Variants in GABRG1 observed in about 807,000 individuals in gnomAD.
GABRG1 encodes gamma-aminobutyric acid receptor subunit gamma-1.
GABRG1 carries 49 observed loss-of-function variants against 49.8 expected under a neutral mutation model. The observed-to-expected ratio is 0.98, with a 90% CI of 0.78 to 1.25. GABRG1 has a LOEUF of 1.25. GABRG1 is among the 50% of genes most tolerant of loss of function. GABRG1 has a pLI of 0.00. For synonymous variants in GABRG1, 232 were observed against 185.1 expected, an observed-to-expected ratio of 1.25 and a Z score of -2.06; for missense variants, 552 against 552.3, an observed-to-expected ratio of 1.00 and a Z score of 0.01.
At chr4:46,084,256 G>C (rs1029465868) in intron 2 of GABRG1, among the ~76,000 whole-genome samples, 1 of 151,532 alleles carries the variant, frequency 6.6e-6, no homozygotes, top group African/African-American at 2.4e-5. Flanking sequence ...ATTATATAGA[G>C]ATAAAGCACA....
At position 46,062,877 on chromosome 4, in the gene GABRG1, G is replaced by A. The variant is rs1718756978; in HGVS notation, c.625+1564C>T. ...CAAGCATTCTTATACACCAATAACA[G>A]ACAAACAGAGAGCCAAATCATGAGT... On this transcript the variant is annotated intron_variant, in intron 5 of 8. Coordinates refer to ENST00000295452, the MANE Select transcript of GABRG1 (RefSeq NM_173536.4). Among the ~76,000 whole-genome samples, 3 of 152,034 alleles carry A rather than the reference G, an allele frequency of 2.0e-5. No homozygotes were observed. The South Asian group carries it at 6.2e-4, about 32-fold the overall frequency.
intron 8 of GABRG1, among the ~76,000 whole-genome samples, chr4:46,041,495 A>T (rs1214967684): frequency 6.6e-6 from 1 of 151,976 alleles, no homozygotes; most frequent in Non-Finnish European, 1.5e-5. Context: ...ATTTTTATAC[A>T]TTTAGAAAGT....
rs1577664998 is a variant in GABRG1, at chr4:46,101,528, C to A, written c.105-4179G>T. On this transcript the variant is annotated intron_variant, in intron 1 of 8. Coordinates refer to ENST00000295452, the MANE Select transcript of GABRG1 (RefSeq NM_173536.4). ...AAGCACTGTGATCTCAATCTCTGAC[C>A]CAGTGTTTTTGTCCATCTACAGAGA... 5.3e-5 allele frequency among the ~76,000 whole-genome samples: 8 copies of A among 151,640 alleles called. No individual in the cohort carries two copies. In the South Asian group the frequency reaches 1.7e-3, roughly 31 times the overall value.
intron 8 of GABRG1, among the ~76,000 whole-genome samples, chr4:46,047,474 T>C (rs1718050425): frequency 6.6e-6 from 1 of 152,034 alleles, no homozygotes; most frequent in Non-Finnish European, 1.5e-5. Context: ...AAAGGAATCC[T>C]CTCCTCTCCA....
intron 5 of GABRG1, among the ~76,000 whole-genome samples, chr4:46,063,363 C>G (rs541697550): frequency 2.6e-5 from 4 of 151,940 alleles, no homozygotes; most frequent in African/African-American, 9.7e-5. Flanking sequence ...GAAATAACGC[C>G]ACATATCTAC....
chr4:46,063,217 C>T (rs1048428382), intron 5 of GABRG1, among the ~76,000 whole-genome samples: 9 of 152,018 alleles, frequency 5.9e-5, no homozygotes, highest in African/African-American at 1.7e-4. Context: ...CCAAGTCAAT[C>T]CTAAGCCAAA....
In GABRG1 at chr4:46,101,235, A is replaced by G. The variant is rs1041150396; in HGVS notation, c.105-3886T>C. The stretch of plus-strand genomic sequence containing the variant: ...GAATTCCAGGACACACAGCTATTAA[A>G]CAATAGACCCAGAATTTAAAATAAT... On this transcript the variant is annotated intron_variant, in intron 1 of 8. Coordinates refer to ENST00000295452, the MANE Select transcript of GABRG1 (RefSeq NM_173536.4). 5.3e-5 allele frequency among the ~76,000 whole-genome samples: 8 copies of G among 151,698 alleles called. No homozygotes were observed. In the Admixed American group the frequency reaches 5.3e-4, roughly 10 times the overall value.
At chr4:46,045,821 T>G (rs1240522608) in intron 8 of GABRG1, among the ~76,000 whole-genome samples, 1 of 152,044 alleles carries the variant, frequency 6.6e-6, no homozygotes, top group East Asian at 1.9e-4. Flanking sequence ...CACCTTGGCC[T>G]CCCAAAGTGC....
Position 46,058,236 on chromosome 4 carries a change from C to A in GABRG1, c.897G>T (p.Val299=). ...WVSFWINKDA[V]PARTSLGITT... is the part of the protein sequence containing the mutation. ...TCATACCCAACGATGTTCTTGCAGG[C>A]ACTGCATCTTTATTGATCCAAAAAG... The change falls in exon 7 of 9, where the codon GTG becomes GTT. Residue 299 remains valine (V), a synonymous_variant. Coordinates refer to ENST00000295452, the MANE Select transcript of GABRG1 (RefSeq NM_173536.4). 1.2e-6 allele frequency: 2 copies of A among 1,612,552 alleles called. No homozygotes were observed. The highest frequency in any genetic ancestry group is 1.7e-6 in the Non-Finnish European group (2 of 1,179,288).
intron 1 of GABRG1, among the ~76,000 whole-genome samples, chr4:46,104,530 C>T (rs998883492): frequency 5.3e-5 from 8 of 151,412 alleles, no homozygotes; most frequent in Admixed American, 4.6e-4. Flanking sequence ...TACATTATTA[C>T]GTGTAGTCAC....
chr4:46,101,599 C>T (rs564212879), intron 1 of GABRG1, among the ~76,000 whole-genome samples: 1 of 151,598 alleles, frequency 6.6e-6, no homozygotes, highest in African/African-American at 2.4e-5. Context: ...AATACAAAGA[C>T]AAATGAAATT....
chr4:46,111,634 C>T (rs908922194), intron 1 of GABRG1, among the ~76,000 whole-genome samples: 2 of 151,138 alleles, frequency 1.3e-5, no homozygotes, highest in African/African-American at 4.8e-5. Flanking sequence ...GGTACTGGTA[C>T]AAAAACAGAC....
intron 8 of GABRG1, among the ~76,000 whole-genome samples, chr4:46,044,222 C>T (rs1053881413): frequency 7.2e-5 from 11 of 152,050 alleles, no homozygotes; most frequent in African/African-American, 2.4e-4. Context: ...CCTGTAATCC[C>T]AGCACTTTGG....
intron 1 of GABRG1, among the ~76,000 whole-genome samples, chr4:46,121,605 T>C (rs1344443327): frequency 7.6e-6 from 1 of 131,850 alleles, no homozygotes; most frequent in Admixed American, 6.9e-5. Flanking sequence ...ACTTTTTCCA[T>C]TCAATGAAGA....
chr4:46,123,085 C>G (rs1224421398), intron 1 of GABRG1, among the ~76,000 whole-genome samples: 1 of 145,432 alleles, frequency 6.9e-6, no homozygotes, highest in Non-Finnish European at 1.5e-5. Flanking sequence ...CTCTCTCTCT[C>G]TGTCCCATAC....
intron 2 of GABRG1, among the ~76,000 whole-genome samples, chr4:46,091,443 GA>G (rs1560367354): frequency 6.6e-6 from 1 of 151,812 alleles, no homozygotes; most frequent in Non-Finnish European, 1.5e-5. Flanking sequence ...AGAAACAATG[GA>G]AAAGAAAATT....
Position 46,101,561 on chromosome 4 carries a change from G to A in GABRG1, c.105-4212C>T, listed in dbSNP as rs186183317. ...TTTGTCCATCTACAGAGATAATACCGTGTACTAAAAATGTGCTAAGTGCTA... is the reference window on the plus strand; with the variant it reads ...TTTGTCCATCTACAGAGATAATACCATGTACTAAAAATGTGCTAAGTGCTA... On this transcript the variant is annotated intron_variant, in intron 1 of 8. Coordinates refer to ENST00000295452, the MANE Select transcript of GABRG1 (RefSeq NM_173536.4). 2.9e-3 allele frequency among the ~76,000 whole-genome samples: 443 copies of A among 151,610 alleles called. 4 individuals carry two copies. Among genetic ancestry groups the A allele is most frequent in the African/African-American group, 0.01 (425 of 41,426 alleles).
chr4:46,061,657 A>G (rs1228777642), intron 5 of GABRG1, among the ~76,000 whole-genome samples: 6 of 151,886 alleles, frequency 4.0e-5, no homozygotes, highest in South Asian at 2.1e-4. Flanking sequence ...TATTTCCTAT[A>G]AAGAATATAC....
At chr4:46,076,885 T>C (rs1167966270) in intron 3 of GABRG1, among the ~76,000 whole-genome samples, 1 of 151,568 alleles carries the variant, frequency 6.6e-6, no homozygotes, top group Non-Finnish European at 1.5e-5. Flanking sequence ...ATCTGAGAGG[T>C]CTAGGGTGTG....
Sources: allele counts gnomAD v4.1 joint callset (sites outside exome capture counted in the v4.1 genomes callset), GRCh38; gene constraint gnomAD v4.1.1; transcripts MANE v1.5; gene names NCBI Gene and HGNC (gene_info 2026-07-23, HGNC 2026-07-21).